Variants in XKR9 observed in about 807,000 individuals in gnomAD.
XKR9 encodes the protein XK-related protein 9.
A neutral mutation model predicts 32.0 loss-of-function variants in XKR9; 32 were observed. That is an observed-to-expected ratio of 1.00 (90% CI 0.76 to 1.34). XKR9 has a LOEUF of 1.34. XKR9 is among the 40% of genes most tolerant of loss of function. The probability of loss-of-function intolerance (pLI) is 0.00; values close to 1 mark genes in which losing one functional copy is unlikely to be tolerated. For missense variants in XKR9, 546 were observed against 429.7 expected, an observed-to-expected ratio of 1.27 and a Z score of -2.39; for synonymous variants, 168 against 143.4, an observed-to-expected ratio of 1.17 and a Z score of -1.22.
the XKR9 span, among the ~76,000 whole-genome samples, chr8:71,042,915 T>A: frequency 6.6e-6 from 1 of 152,194 alleles, no homozygotes; most frequent in Non-Finnish European, 1.5e-5. Flanking sequence ...TGTTTTTCCT[T>A]TTTTTAAGTA....
chr8:70,948,544 G>A, the XKR9 span, among the ~76,000 whole-genome samples: 2 of 151,888 alleles, frequency 1.3e-5, no homozygotes, highest in Admixed American at 1.3e-4. Flanking sequence ...TGTCATTGCT[G>A]GGGAGACTGG....
the XKR9 span, among the ~76,000 whole-genome samples, chr8:71,043,060 G>T: frequency 6.6e-6 from 1 of 152,170 alleles, no homozygotes; most frequent in Non-Finnish European, 1.5e-5. Flanking sequence ...TAGTGTTGAG[G>T]CTTCATGCCT....
the XKR9 span, among the ~76,000 whole-genome samples, chr8:70,946,878 G>A: frequency 2.6e-5 from 4 of 152,174 alleles, no homozygotes; most frequent in Admixed American, 1.3e-4. Flanking sequence ...GGACTCTTGA[G>A]AATGGGATAT....
chr8:70,724,603 C>G (rs1010061432), intron 4 of XKR9, among the ~76,000 whole-genome samples: 29 of 152,150 alleles, frequency 1.9e-4, no homozygotes, highest in Admixed American at 1.8e-3. Context: ...AGCACAGTCC[C>G]TCACGGCTTC....
At chr8:70,915,122 G>A in the XKR9 span, among the ~76,000 whole-genome samples, 1 of 152,020 alleles carries the variant, frequency 6.6e-6, no homozygotes, top group Admixed American at 6.6e-5. Flanking sequence ...AGAACTAGTT[G>A]AGCCAGTTTA....
intron 4 of XKR9, among the ~76,000 whole-genome samples, chr8:70,723,689 T>C (rs1201762950): frequency 6.6e-6 from 1 of 152,106 alleles, no homozygotes; most frequent in Non-Finnish European, 1.5e-5. Flanking sequence ...CTCCAGAAGC[T>C]TTGTCCCAGA....
the XKR9 span, among the ~76,000 whole-genome samples, chr8:70,852,365 C>G: frequency 6.6e-6 from 1 of 152,150 alleles, no homozygotes; most frequent in Non-Finnish European, 1.5e-5. Flanking sequence ...TTTTGGAGGA[C>G]AGTGTGGTGA....
the XKR9 span, among the ~76,000 whole-genome samples, chr8:70,900,655 A>G: frequency 1.3e-5 from 2 of 152,038 alleles, no homozygotes; most frequent in Admixed American, 6.6e-5. Context: ...TACTTGGCTC[A>G]TGTATCCTTT....
the XKR9 span, among the ~76,000 whole-genome samples, chr8:70,837,086 G>A: frequency 6.6e-6 from 1 of 151,926 alleles, no homozygotes; most frequent in Non-Finnish European, 1.5e-5. Flanking sequence ...ATGACGAGCG[G>A]GTTACATAAA....
At chr8:70,909,556 G>C in the XKR9 span, among the ~76,000 whole-genome samples, 1 of 151,602 alleles carries the variant, frequency 6.6e-6, no homozygotes, top group Non-Finnish European at 1.5e-5. Context: ...AACCCAGTTC[G>C]CCCAGGAGGC....
the XKR9 span, among the ~76,000 whole-genome samples, chr8:70,812,188 A>T: frequency 2.0e-5 from 3 of 152,206 alleles, no homozygotes; most frequent in Non-Finnish European, 4.4e-5. Context: ...CAAAGACAAA[A>T]ACCACATGAT....
At chr8:70,751,697 G>A (rs1807144379) in intron 2 of XKR9, among the ~76,000 whole-genome samples, 1 of 152,118 alleles carries the variant, frequency 6.6e-6, no homozygotes, top group Non-Finnish European at 1.5e-5. Flanking sequence ...TTGGACACCA[G>A]AACTTCAAGT....
the XKR9 span, among the ~76,000 whole-genome samples, chr8:71,042,280 G>T: frequency 6.6e-6 from 1 of 152,104 alleles, no homozygotes; most frequent in African/African-American, 2.4e-5. Context: ...ATCTGCCTTG[G>T]GTTCAGGATA....
At chr8:70,780,904 C>G (rs370116225) in intron 2 of XKR9, 2 of 147,758 alleles carry the variant, frequency 1.4e-5, no homozygotes, top group Non-Finnish European at 3.0e-5. Flanking sequence ...CTTTTTTTTT[C>G]TTTTTTTTTT....
the XKR9 span, among the ~76,000 whole-genome samples, chr8:70,842,807 A>T: frequency 6.6e-6 from 1 of 152,186 alleles, no homozygotes; most frequent in Non-Finnish European, 1.5e-5. Flanking sequence ...CTCCAATACC[A>T]TCTTCAAGAG....
Position 70,780,658 on chromosome 8 carries a change from C to T in XKR9, n.353-8681C>T, listed in dbSNP as rs552780258. On this transcript the variant is annotated intron_variant and non_coding_transcript_variant, in intron 2 of 3. Transcript: ENST00000520273. ...CTGCCGACAGCATGATTTTGGGCTTCTAGCCTCCAGAACTATGAGAGACTA... is the reference window on the plus strand; with the variant it reads ...CTGCCGACAGCATGATTTTGGGCTTTTAGCCTCCAGAACTATGAGAGACTA... Among the ~76,000 whole-genome samples, 8 of 152,252 alleles carry T rather than the reference C, an allele frequency of 5.3e-5. No homozygotes were observed. In the East Asian group the frequency reaches 1.5e-3, roughly 29 times the overall value.
chr8:70,676,875 C>G (rs1300312951), intron 2 of XKR9, among the ~76,000 whole-genome samples: 2 of 152,024 alleles, frequency 1.3e-5, no homozygotes, highest in Non-Finnish European at 2.9e-5. Context: ...CAACCCAAAC[C>G]TGCTACTACT....
At chr8:71,057,705 G>A in the XKR9 span, among the ~76,000 whole-genome samples, 1 of 152,166 alleles carries the variant, frequency 6.6e-6, no homozygotes, top group Non-Finnish European at 1.5e-5. Context: ...TGGAATTGGA[G>A]TTGGGTAGCA....
chr8:70,686,310 C>G (rs758510116), intron 3 of XKR9, among the ~76,000 whole-genome samples: 1 of 149,532 alleles, frequency 6.7e-6, no homozygotes, highest in Non-Finnish European at 1.5e-5. Context: ...GGTGCGGTCA[C>G]AGGTAACTGC....
Sources: allele counts gnomAD v4.1 joint callset (sites outside exome capture counted in the v4.1 genomes callset), GRCh38; gene constraint gnomAD v4.1.1; transcripts MANE v1.5; gene names NCBI Gene and HGNC (gene_info 2026-07-23, HGNC 2026-07-21).